The following METTL4 variants were observed in gnomAD, a reference collection of about 807,000 sequenced individuals.
The protein encoded by METTL4 is N(6)-adenine-specific methyltransferase METTL4.
METTL4 carries 40 observed loss-of-function variants against 54.0 expected under a neutral mutation model. The ratio of observed to expected loss-of-function variants is 0.74; its 90% CI spans 0.58 to 0.96. METTL4 has a LOEUF of 0.96. Among genes scored for constraint, METTL4 ranks in the 50% least tolerant of loss-of-function variants. METTL4 has a pLI of 0.00. For synonymous variants in METTL4, 169 were observed against 183.8 expected (o/e 0.92, Z 0.65); for missense variants, 525 against 549.0 (o/e 0.96, Z 0.44).
At position 2,566,813 on chromosome 18, in the gene METTL4, C is replaced by A. The variant is rs1018098711; in HGVS notation, c.396+8G>T. Reference sequence around the variant, plus strand: ...GGAGAAAAATAAATATTTCTTAAAACTTTCTACCTTCCCAATAATAGAAAT... The same window carrying A: ...GGAGAAAAATAAATATTTCTTAAAAATTTCTACCTTCCCAATAATAGAAAT... On this transcript the variant is annotated splice_region_variant and intron_variant, in intron 2 of 8. Coordinates refer to ENST00000574538, the MANE Select transcript of METTL4 (RefSeq NM_022840.5). 9 of 1,533,088 alleles carry A rather than the reference C, an allele frequency of 5.9e-6. No individual in the cohort carries two copies. Among genetic ancestry groups the A allele is most frequent in the Non-Finnish European group, 7.9e-6 (9 of 1,139,082 alleles). The allele number at this position is 1,533,088 out of a possible 1,614,324, so 95.0% of individuals were successfully genotyped here.
chr18:2,561,485 C>A lies in METTL4; in HGVS notation c.459+2312G>T, dbSNP rs528177928. 5 of 152,288 alleles carry A rather than the reference C, an allele frequency of 3.3e-5. No homozygotes were observed. The South Asian group carries it at 1.0e-3, about 32-fold the overall frequency. 9.4% of individuals were successfully genotyped at this position (152,288 alleles called of 1,614,324 possible). A position where few individuals can be genotyped will look rare whatever the true frequency, so the allele number is the denominator to read the frequency against. On this transcript the variant is annotated intron_variant, in intron 3 of 8. Transcript: ENST00000574538. The stretch of plus-strand genomic sequence containing the variant: ...CAACATCTTAAAGATGTCAACACTG[C>A]CCTAATTTAATTTAGAAATTTAACT...
At position 2,552,723 on chromosome 18, in the gene METTL4, G is replaced by T. The variant is rs778797794; in HGVS notation, c.871C>A (p.Gln291Lys). 1 of 1,610,930 alleles carries T rather than the reference G, an allele frequency of 6.2e-7. No homozygotes were observed. The highest frequency in any genetic ancestry group is 1.1e-5 in the South Asian group (1 of 90,610). Residue 291 changes from glutamine to lysine, a missense_variant, in exon 5 of 9, where the codon CAG becomes AAG. Coordinates refer to ENST00000574538, the MANE Select transcript of METTL4 (RefSeq NM_022840.5). ...FDVIVIDPPW[Q>K]NKSVKRSNRY... ...TTACTTCTTTTAACTGATTTGTTCT[G>T]CCATGGTGGATCTATCACAATTACA...
chr18:2,558,067 T>C (rs1036407681), intron 3 of METTL4, among the ~76,000 whole-genome samples: 1 of 152,326 alleles, frequency 6.6e-6, no homozygotes, highest in South Asian at 2.1e-4. Context: ...CAACTAACTT[T>C]ATCTGACATT....
chr18:2,559,760 G>C (rs1310942102), intron 3 of METTL4, among the ~76,000 whole-genome samples: 1 of 151,976 alleles, frequency 6.6e-6, no homozygotes, highest in Non-Finnish European at 1.5e-5. Context: ...TTTTTCGAGA[G>C]GGAGTCTCTC....
At chr18:2,568,346 T>C (rs2072452011) in intron 1 of METTL4, 1 of 152,106 alleles carries the variant, frequency 6.6e-6, no homozygotes, top group African/African-American at 2.4e-5. Flanking sequence ...CAGAAATGAA[T>C]TAGAGGGAAG....
At chr18:2,564,326 G>T (rs1206113339) in intron 2 of METTL4, among the ~76,000 whole-genome samples, 1 of 151,934 alleles carries the variant, frequency 6.6e-6, no homozygotes, top group African/African-American at 2.4e-5. Context: ...CAGGAGAATG[G>T]TGTGCGAGAC....
At chr18:2,554,478 C>T (rs2072206968) in intron 4 of METTL4, 191 bp downstream of exon 4, 3 of 540,738 alleles carry the variant, frequency 5.5e-6, no homozygotes, top group South Asian at 2.7e-5. Context: ...TCTTTATTCA[C>T]AATATTTATT....
rs571971515 is a variant in METTL4 at position 2,547,339 on chromosome 18, T to C, written c.1074+16A>G. The C allele has an allele frequency of 6.5e-7, 1 of 1,528,332 alleles. No homozygotes were observed. Among genetic ancestry groups the C allele is most frequent in the Non-Finnish European group, 8.8e-7 (1 of 1,138,820 alleles). 94.7% of individuals were successfully genotyped at this position (1,528,332 alleles called of 1,614,324 possible). On this transcript the variant is annotated intron_variant, in intron 6 of 8. Coordinates refer to ENST00000574538, the MANE Select transcript of METTL4 (RefSeq NM_022840.5). ...TATCAAGCTGTATTAACAAATAAGC[T>C]AACTTCTGAACTTACTTTTACCCAG...
chr18:2,549,706 G>T (rs2072122887), intron 5 of METTL4, among the ~76,000 whole-genome samples: 1 of 151,586 alleles, frequency 6.6e-6, no homozygotes, highest in Admixed American at 6.6e-5. Context: ...ATAGGGCTGG[G>T]TGTGGTGGCT....
Position 2,567,054 on chromosome 18 carries a change from A to G in METTL4, c.163T>C (p.Ser55Pro), listed in dbSNP as rs1255625520. ...ATAAATGCAGCACAGACTCCAGAGG[A>G]GGACACAGAATCCATTTGAAGAGAC... ...FESLQMDSVS[S>P]SGVCAAFIAS... Residue 55 changes from serine to proline, a missense_variant, in exon 2 of 9, where the codon TCC (serine) becomes CCC (proline). Physicochemically the swap from Ser to Pro is moderately conservative, Grantham distance 74. Coordinates refer to ENST00000574538, the MANE Select transcript of METTL4 (RefSeq NM_022840.5). 1.2e-6 allele frequency: 2 copies of G among 1,614,064 alleles called. No homozygotes were observed. The highest frequency in any genetic ancestry group is 3.3e-5 in the Admixed American group (2 of 60,012).
chr18:2,544,667 A>G lies in METTL4; in HGVS notation c.1167T>C (p.Thr389=). Residue 389 remains threonine, a synonymous_variant, in exon 7 of 9, where the codon ACT becomes ACC. Coordinates refer to ENST00000574538, the MANE Select transcript of METTL4 (RefSeq NM_022840.5). ...ACCTTTCCTACCTCAATGGTAGAGCAGTTTTTTCTTGAACCCTCCCCAGTA... is the reference window on the plus strand; with the variant it reads ...ACCTTTCCTACCTCAATGGTAGAGCGGTTTTTTCTTGAACCCTCCCCAGTA... The part of the protein sequence containing the change: ...GLILGRVQEK[T]ALPLRNADVN... 6.2e-7 allele frequency: 1 copy of G among 1,607,626 alleles called. No individual in the cohort carries two copies. Among genetic ancestry groups the G allele is most frequent in the South Asian group, 1.1e-5 (1 of 90,620 alleles).
rs1032523785 is a variant in METTL4 at position 2,567,564 on chromosome 18, C to G, written c.-348G>C. On this transcript the variant is annotated 5_prime_UTR_variant, in exon 2 of 9. Coordinates refer to ENST00000574538, the MANE Select transcript of METTL4 (RefSeq NM_022840.5). ...GATCCTCCTGTCTTCCTGGGCCCCC[C>G]ACGACTTCTTGCTTTGGTCCTTGGG... 3 of 171,844 alleles carry G rather than the reference C, an allele frequency of 1.7e-5. No homozygotes were observed. Among genetic ancestry groups the G allele is most frequent in the Admixed American group, 6.2e-5 (1 of 16,244 alleles). 10.6% of individuals were successfully genotyped at this position (171,844 alleles called of 1,614,324 possible).
intron 2 of METTL4, among the ~76,000 whole-genome samples, chr18:2,564,553 G>C (rs1008024473): frequency 3.3e-5 from 5 of 152,156 alleles, no homozygotes; most frequent in African/African-American, 1.2e-4. Context: ...ATGAGGGTTA[G>C]GTATGAATCA....
intron 8 of METTL4, among the ~76,000 whole-genome samples, chr18:2,539,608 A>G (rs1207137161): frequency 1.3e-5 from 2 of 151,614 alleles, no homozygotes; most frequent in Non-Finnish European, 2.9e-5. Context: ...CAGCCTCCCA[A>G]GTAGCTGGGA....
chr18:2,545,227 T>C (rs867616334), intron 6 of METTL4, among the ~76,000 whole-genome samples: 2 of 152,142 alleles, frequency 1.3e-5, no homozygotes, highest in South Asian at 4.1e-4. Flanking sequence ...AACTTCATTA[T>C]CATCTTGCAC....
At chr18:2,554,416 C>A in intron 4 of METTL4, 4 of 394,700 alleles carry the variant, frequency 1.0e-5, no homozygotes, top group East Asian at 4.7e-5. Context: ...ATACCGAATT[C>A]CTAAGTACAG....
intron 2 of METTL4, 157 bp downstream of exon 2, chr18:2,566,664 G>GA (rs1403384502): frequency 1.2e-5 from 6 of 507,048 alleles, no homozygotes; most frequent in South Asian, 5.5e-5. Flanking sequence ...GTTGAAGCTA[G>GA]AAAAAAGCTA....
At chr18:2,549,994 CA>C (rs1050844393) in intron 5 of METTL4, among the ~76,000 whole-genome samples, 5 of 150,136 alleles carry the variant, frequency 3.3e-5, no homozygotes, top group Non-Finnish European at 5.9e-5. Context: ...AACTCTGTCT[CA>C]AAAAAAATAA....
intron 8 of METTL4, chr18:2,540,620 G>C (rs7242890): frequency 8.1e-6 from 8 of 985,144 alleles, no homozygotes; most frequent in Non-Finnish European, 9.6e-6. Flanking sequence ...ATACTGGCAC[G>C]AAGGCTTCTA....
Sources: gnomAD v4.1 joint callset for allele counts (sites outside exome capture counted in the v4.1 genomes callset) on GRCh38, gnomAD v4.1.1 for gene constraint, MANE v1.5 for transcripts, NCBI Gene and HGNC (gene_info 2026-07-23, HGNC 2026-07-21) for gene names.